The following GALNT13 variants were observed in gnomAD, a reference collection of about 807,000 sequenced individuals.
The protein encoded by GALNT13 is UDP-GalNAc:polypeptide N-acetylgalactosaminyltransferase 13.
A neutral mutation model predicts 64.2 loss-of-function variants in GALNT13; 28 were observed. The observed-to-expected ratio is 0.44, with a 90% confidence interval of 0.32 to 0.60. The LOEUF (loss-of-function observed/expected upper bound fraction) is 0.60, where lower values mean the gene tolerates loss of function less well. GALNT13 is among the 20% of genes least tolerant of loss of function. GALNT13 has a pLI of 0.05. For synonymous variants in GALNT13, 214 were observed against 224.6 expected, an observed-to-expected ratio of 0.95 and a Z score of 0.42; for missense variants, 577 against 669.8, an observed-to-expected ratio of 0.86 and a Z score of 1.53.
rs545416689 is a variant in GALNT13, at chr2:154,078,016, T to C, written c.143-62321T>C. Among the ~76,000 whole-genome samples the C allele has an allele frequency of 1.1e-4, 17 of 151,666 alleles. 1 individual carries two copies. The South Asian group carries it at 3.3e-3, about 30-fold the overall frequency. ...GATTAACAGCAGTTGTAAACCGTGT[T>C]GTAGAAAAATGAGTAATGTTTGCCT... is the stretch of plus-strand genomic sequence containing the variant. On this transcript the variant is annotated intron_variant, in intron 3 of 12. Coordinates refer to ENST00000392825, the MANE Select transcript of GALNT13 (RefSeq NM_052917.4).
chr2:154,211,007 G>A (rs1687728872), intron 4 of GALNT13, among the ~76,000 whole-genome samples: 2 of 152,090 alleles, frequency 1.3e-5, no homozygotes, highest in African/African-American at 4.8e-5. Context: ...TTCAATTTTG[G>A]ATATGTTAAC....
chr2:153,512,318 C>A, the GALNT13 span, among the ~76,000 whole-genome samples: 1,122 of 152,086 alleles, frequency 7.4e-3, 15 homozygotes, highest in African/African-American at 0.025. Flanking sequence ...TGTTTGAAAG[C>A]AAAAATGAGA....
At chr2:154,278,402 A>G (rs1415538486) in intron 8 of GALNT13, among the ~76,000 whole-genome samples, 5 of 152,174 alleles carry the variant, frequency 3.3e-5, no homozygotes, top group Non-Finnish European at 5.9e-5. Flanking sequence ...TCTTGATTCT[A>G]TAAAGTTATG....
At chr2:153,195,753 G>T in the GALNT13 span, among the ~76,000 whole-genome samples, 1 of 152,320 alleles carries the variant, frequency 6.6e-6, no homozygotes, top group East Asian at 1.9e-4. Context: ...CATTCAGCGG[G>T]TCCCGAGTAA....
chr2:154,090,110 CATA>C (rs1261246445), intron 3 of GALNT13, among the ~76,000 whole-genome samples: 5 of 152,086 alleles, frequency 3.3e-5, no homozygotes, highest in African/African-American at 1.2e-4. Flanking sequence ...GATGTGAGTA[CATA>C]ATATCATTGT....
chr2:154,021,058 A>AT (rs1323296880), intron 3 of GALNT13, among the ~76,000 whole-genome samples: 2 of 152,106 alleles, frequency 1.3e-5, no homozygotes. Context: ...CCATTGGTCT[A>AT]TATCTCTGTT....
chr2:153,906,258 A>G (rs1452961990), intron 2 of GALNT13, among the ~76,000 whole-genome samples: 1 of 149,882 alleles, frequency 6.7e-6, no homozygotes, highest in Non-Finnish European at 1.5e-5. Context: ...TTTTATTATT[A>G]TTATACTTTA....
chr2:154,165,236 T>A (rs1684962127), intron 4 of GALNT13, among the ~76,000 whole-genome samples: 1 of 152,168 alleles, frequency 6.6e-6, no homozygotes, highest in South Asian at 2.1e-4. Flanking sequence ...CTGATATTTT[T>A]CCTTGGGGAA....
At chr2:153,522,271 C>T in the GALNT13 span, among the ~76,000 whole-genome samples, 6 of 151,546 alleles carry the variant, frequency 4.0e-5, no homozygotes, top group Admixed American at 2.0e-4. Context: ...AGGTGGAGGT[C>T]GCAGTGAGCC....
chr2:153,529,365 G>A, the GALNT13 span, among the ~76,000 whole-genome samples: 1 of 151,758 alleles, frequency 6.6e-6, no homozygotes, highest in Non-Finnish European at 1.5e-5. Context: ...GAACCATGAA[G>A]AAATTAAAAA....
chr2:153,461,835 A>G, the GALNT13 span, among the ~76,000 whole-genome samples: 1 of 152,110 alleles, frequency 6.6e-6, no homozygotes, highest in Non-Finnish European at 1.5e-5. Flanking sequence ...GCTCCTCCCT[A>G]AGCCTTCGCA....
the GALNT13 span, among the ~76,000 whole-genome samples, chr2:153,155,010 T>C: frequency 6.6e-6 from 1 of 152,354 alleles, no homozygotes; most frequent in Admixed American, 6.5e-5. Context: ...TTGAGTTCTG[T>C]TTATGTGATG....
the GALNT13 span, among the ~76,000 whole-genome samples, chr2:153,634,524 T>C: frequency 6.6e-6 from 1 of 150,884 alleles, no homozygotes; most frequent in Non-Finnish European, 1.5e-5. Context: ...CTTTTGATGA[T>C]TGAAAAAAGA....
the GALNT13 span, among the ~76,000 whole-genome samples, chr2:153,533,613 A>G: frequency 6.7e-6 from 1 of 149,740 alleles, no homozygotes; most frequent in Non-Finnish European, 1.5e-5. Context: ...TGAAAAAATT[A>G]TCAGTCGTTG....
At chr2:153,293,793 C>CTG in the GALNT13 span, among the ~76,000 whole-genome samples, 471 of 32,692 alleles carry the variant, frequency 0.014, 5 homozygotes, top group African/African-American at 0.066. Flanking sequence ...GTGTGTGTGT[C>CTG]TGTGTGTGTG....
the GALNT13 span, among the ~76,000 whole-genome samples, chr2:153,308,928 T>A: frequency 9.3e-3 from 1,409 of 151,194 alleles, 22 homozygotes; most frequent in African/African-American, 0.032. Context: ...AGAAAAAAAA[T>A]TTTTTTTAGA....
intron 11 of GALNT13, among the ~76,000 whole-genome samples, chr2:154,434,576 T>A (rs1237288651): frequency 6.6e-6 from 1 of 152,134 alleles, no homozygotes; most frequent in Non-Finnish European, 1.5e-5. Flanking sequence ...AGCATAGACA[T>A]CATCACCTGT....
chr2:154,411,709 G>T (rs2105399340), intron 11 of GALNT13, among the ~76,000 whole-genome samples: 1 of 151,720 alleles, frequency 6.6e-6, no homozygotes, highest in South Asian at 2.1e-4. Context: ...AGTTGGAAAA[G>T]AAATTTTCCT....
In GALNT13 at chr2:154,433,531, G is replaced by A. The variant is rs74798948; in HGVS notation, c.1396-5061G>A. Among the ~76,000 whole-genome samples, 576 of 152,136 alleles carry A rather than the reference G, an allele frequency of 3.8e-3. 4 individuals carry two copies. Among genetic ancestry groups the A allele is most frequent in the Admixed American group, 7.5e-3 (114 of 15,266 alleles). On this transcript the variant is annotated intron_variant, in intron 11 of 12. Transcript: ENST00000392825. Reference sequence around the variant, plus strand: ...AAATAAATTGATTAGCAGACTGGGTGAATTTAGGAGTGGGTAGGAACAGTG... The same window carrying A: ...AAATAAATTGATTAGCAGACTGGGTAAATTTAGGAGTGGGTAGGAACAGTG...
Sources: allele counts gnomAD v4.1 joint callset (sites outside exome capture counted in the v4.1 genomes callset), GRCh38; gene constraint gnomAD v4.1.1; transcripts MANE v1.5; gene names NCBI Gene and HGNC (gene_info 2026-07-23, HGNC 2026-07-21).